The following RBFOX1 variants were observed in gnomAD, a reference collection of about 807,000 sequenced individuals.
RBFOX1 encodes the protein RNA binding fox-1 homolog 1, also known as RNA binding protein fox-1 homolog 1.
Under a neutral mutation model 57.7 loss-of-function variants are expected in RBFOX1, and 8 were observed. The ratio of observed to expected loss-of-function variants is 0.14; its 90% CI spans 0.08 to 0.25. RBFOX1 has a LOEUF of 0.25. Among genes scored for constraint, RBFOX1 ranks in the 10% least tolerant of loss-of-function variants. RBFOX1 has a pLI of 1.00. For missense variants in RBFOX1, 611 were observed against 548.5 expected (o/e 1.11, Z -1.14); for synonymous variants, 326 against 222.4 (o/e 1.47, Z -4.15).
In RBFOX1 at chr16:6,700,660, A is replaced by T. The variant is rs542205785; in HGVS notation, c.-16+46010A>T. 3.5e-4 allele frequency among the ~76,000 whole-genome samples: 54 copies of T among 152,262 alleles called. 1 individual carries two copies. Among genetic ancestry groups the T allele is most frequent in the African/African-American group, 1.2e-3 (51 of 41,562 alleles). On this transcript the variant is annotated intron_variant, in intron 3 of 15. Transcript: ENST00000550418. Reference sequence around the variant, plus strand: ...GCAACAAAAACGAAACTTCATCTCAAAAAATAATAATAATAATAATTTTTT... The same window carrying T: ...GCAACAAAAACGAAACTTCATCTCATAAAATAATAATAATAATAATTTTTT...
chr16:7,509,753 T>G (rs1325206810), intron 4 of RBFOX1, among the ~76,000 whole-genome samples: 3 of 152,136 alleles, frequency 2.0e-5, no homozygotes, highest in African/African-American at 7.2e-5. Flanking sequence ...CTCTTTAAAC[T>G]TTTTTCATCC....
chr16:7,200,307 C>G (rs1409786102), intron 4 of RBFOX1, among the ~76,000 whole-genome samples: 1 of 152,162 alleles, frequency 6.6e-6, no homozygotes, highest in Non-Finnish European at 1.5e-5. Flanking sequence ...AAGTGAATAA[C>G]TTAATGGTGA....
chr16:7,334,565 G>A (rs1293025399), intron 4 of RBFOX1, among the ~76,000 whole-genome samples: 1 of 152,158 alleles, frequency 6.6e-6, no homozygotes, highest in Admixed American at 6.6e-5. Context: ...GTTCTCATAA[G>A]TTCCTGTTAT....
At chr16:6,594,646 C>T (rs1222181285) in intron 2 of RBFOX1, among the ~76,000 whole-genome samples, 2 of 151,946 alleles carry the variant, frequency 1.3e-5, no homozygotes, top group Non-Finnish European at 2.9e-5. Context: ...TAAGTATGTT[C>T]AGGTTGTGGA....
intron 2 of RBFOX1, among the ~76,000 whole-genome samples, chr16:5,525,721 C>T (rs1207731728): frequency 6.6e-6 from 1 of 151,988 alleles, no homozygotes; most frequent in Non-Finnish European, 1.5e-5. Context: ...TGATCTTGAA[C>T]TCCTGACCTC....
At chr16:6,856,565 C>T (rs1475761648) in intron 3 of RBFOX1, among the ~76,000 whole-genome samples, 2 of 152,100 alleles carry the variant, frequency 1.3e-5, no homozygotes, top group Non-Finnish European at 1.5e-5. Context: ...GAGTGTTTCC[C>T]ATCAGGTGAT....
chr16:6,908,726 C>G (rs1255375564), intron 3 of RBFOX1, among the ~76,000 whole-genome samples: 2 of 152,156 alleles, frequency 1.3e-5, no homozygotes, highest in African/African-American at 4.8e-5. Flanking sequence ...ATGCCTTGTC[C>G]TCAATCCTTG....
At chr16:5,704,532 T>C (rs1001060651) in intron 3 of RBFOX1, among the ~76,000 whole-genome samples, 2 of 152,196 alleles carry the variant, frequency 1.3e-5, no homozygotes, top group African/African-American at 4.8e-5. Context: ...GTGCATGTAA[T>C]TATTCAGCAG....
intron 3 of RBFOX1, among the ~76,000 whole-genome samples, chr16:6,776,413 AAAAAAAC>A (rs1006136550): frequency 7.1e-4 from 90 of 126,786 alleles, no homozygotes; most frequent in South Asian, 3.1e-3. Flanking sequence ...TCCACCTCGG[AAAAAAAC>A]AAAAAACAAA....
chr16:7,191,369 T>C (rs11077143), intron 4 of RBFOX1, among the ~76,000 whole-genome samples: 97,226 of 151,242 alleles, frequency 0.64, 31,909 homozygotes, highest in African/African-American at 0.78. Context: ...ATTGCTACAA[T>C]ATTTCCTGGA....
intron 3 of RBFOX1, among the ~76,000 whole-genome samples, chr16:6,990,482 G>C (rs984334642): frequency 1.3e-5 from 2 of 151,986 alleles, no homozygotes; most frequent in Non-Finnish European, 2.9e-5. Context: ...TTGAGATCTC[G>C]CCACTGCATT....
chr16:6,753,971 A>G (rs1375511667), intron 3 of RBFOX1, among the ~76,000 whole-genome samples: 1 of 152,088 alleles, frequency 6.6e-6, no homozygotes, highest in Non-Finnish European at 1.5e-5. Context: ...TATGGAGCTG[A>G]CTGTTGACTT....
chr16:5,270,087 G>A (rs1216570803), intron 1 of RBFOX1: 2 of 221,606 alleles, frequency 9.0e-6, no homozygotes, highest in African/African-American at 4.7e-5. Context: ...TTGATATCAG[G>A]AGTTCAAGAC....
At chr16:7,605,632 G>A (rs1169233597) in intron 9 of RBFOX1, among the ~76,000 whole-genome samples, 2 of 151,228 alleles carry the variant, frequency 1.3e-5, no homozygotes, top group African/African-American at 4.9e-5. Context: ...AACACCTCTG[G>A]GCTATTCTTA....
At chr16:5,623,545 C>G (rs575554513) in intron 3 of RBFOX1, among the ~76,000 whole-genome samples, 1 of 152,162 alleles carries the variant, frequency 6.6e-6, no homozygotes, top group Non-Finnish European at 1.5e-5. Flanking sequence ...GGTACAGGTG[C>G]AGGTGGCCGG....
intron 4 of RBFOX1, among the ~76,000 whole-genome samples, chr16:7,437,907 T>TA (rs35968195): frequency 0.053 from 7,694 of 144,970 alleles, 490 homozygotes; most frequent in East Asian, 0.25. Flanking sequence ...ACAAATTGCT[T>TA]AAAAAAAAAA....
intron 4 of RBFOX1, among the ~76,000 whole-genome samples, chr16:7,252,130 A>T (rs550571613): frequency 6.6e-6 from 1 of 152,344 alleles, no homozygotes; most frequent in Non-Finnish European, 1.5e-5. Flanking sequence ...CCAGCTCAGA[A>T]TTGCAGGTAG....
intron 2 of RBFOX1, among the ~76,000 whole-genome samples, chr16:6,352,933 G>C (rs2086661365): frequency 1.3e-5 from 2 of 152,140 alleles, no homozygotes; most frequent in African/African-American, 2.4e-5. Context: ...ATTTAAAGCG[G>C]GAGAGTGGTT....
intron 3 of RBFOX1, among the ~76,000 whole-genome samples, chr16:5,661,748 G>C (rs1338774866): frequency 6.6e-6 from 1 of 152,128 alleles, no homozygotes; most frequent in Non-Finnish European, 1.5e-5. Context: ...ATTTTTAACT[G>C]TAGTCAGCAT....
Sources: allele counts gnomAD v4.1 joint callset (sites outside exome capture counted in the v4.1 genomes callset), GRCh38; gene constraint gnomAD v4.1.1; transcripts MANE v1.5; gene names NCBI Gene and HGNC (gene_info 2026-07-23, HGNC 2026-07-21).